KAZN: variants seen among roughly 807,000 people sequenced by gnomAD.
The protein encoded by KAZN is kazrin.
In KAZN, 40 loss-of-function variants were observed where a neutral mutation model predicts 87.4. That is an observed-to-expected ratio of 0.46 (90% CI 0.36 to 0.60). The LOEUF is 0.60. KAZN is among the 20% of genes least tolerant of loss of function. The probability of loss-of-function intolerance (pLI) is 0.00; values close to 1 mark genes in which losing one functional copy is unlikely to be tolerated. For synonymous variants in KAZN, 466 were observed against 458.3 expected (o/e 1.02, Z -0.22); for missense variants, 898 against 1,073.9 (o/e 0.84, Z 2.29).
upstream of KAZN, among the ~76,000 whole-genome samples, chr1:14,596,116 A>C (rs1246460839): frequency 6.6e-6 from 1 of 152,206 alleles, no homozygotes; most frequent in African/African-American, 2.4e-5. Context: ...ACTCACACGC[A>C]TTCATTTACA....
At chr1:14,581,194 C>T (rs903225725) in intron 2 of KAZN, among the ~76,000 whole-genome samples, 8 of 152,150 alleles carry the variant, frequency 5.3e-5, no homozygotes, top group South Asian at 2.1e-4. Context: ...ATGTCTAACA[C>T]GCATCTCAAA....
At chr1:14,741,532 C>T (rs981395517) in intron 1 of KAZN, among the ~76,000 whole-genome samples, 8 of 152,226 alleles carry the variant, frequency 5.3e-5, no homozygotes, top group African/African-American at 1.4e-4. Context: ...TTTGAGAGCA[C>T]AACTATTTAC....
chr1:14,709,480 G>A (rs915872613), intron 1 of KAZN, among the ~76,000 whole-genome samples: 1 of 152,088 alleles, frequency 6.6e-6, no homozygotes, highest in Non-Finnish European at 1.5e-5. Flanking sequence ...GCCTGCCAGT[G>A]GCCCAGAAGA....
chr1:14,645,286 T>C (rs544936881), intron 1 of KAZN, among the ~76,000 whole-genome samples: 2 of 152,336 alleles, frequency 1.3e-5, no homozygotes, highest in Non-Finnish European at 1.5e-5. Context: ...CTATTTGGGT[T>C]CTTTTTTGGT....
Position 14,515,377 on chromosome 1 carries a change from G to A in KAZN, c.250-83606G>A, listed in dbSNP as rs770157155. ...AACAATCACTGAATGCCTGATACTT[G>A]CGAGGCAGTGTGAATGCAGCAGGAG... On this transcript the variant is annotated intron_variant, in intron 2 of 16. Coordinates refer to the KAZN transcript ENST00000636203. 2.0e-4 allele frequency among the ~76,000 whole-genome samples: 30 copies of A among 152,162 alleles called. 1 individual carries two copies. Among genetic ancestry groups the A allele is most frequent in the Non-Finnish European group, 8.8e-5 (6 of 68,034 alleles).
At chr1:14,243,351 T>G (rs913635548) in intron 2 of KAZN, among the ~76,000 whole-genome samples, 2 of 152,196 alleles carry the variant, frequency 1.3e-5, no homozygotes, top group East Asian at 3.9e-4. Context: ...AAGGTAAATT[T>G]TCCTTTATCT....
intron 1 of KAZN, among the ~76,000 whole-genome samples, chr1:14,931,107 C>T (rs999667650): frequency 6.6e-6 from 1 of 152,130 alleles, no homozygotes; most frequent in East Asian, 1.9e-4. Context: ...GGGTGTCACA[C>T]AGGGAGGCTT....
In KAZN at chr1:15,045,584, C is replaced by T. The variant is rs113897493; in HGVS notation, c.726+1425C>T. Among the ~76,000 whole-genome samples the T allele has an allele frequency of 4.6e-3, 699 of 152,278 alleles. 6 individuals are homozygous for T. The highest frequency in any genetic ancestry group is 6.0e-3 in the Non-Finnish European group (408 of 68,030). ...CACATCTTTTGTGTGTTCACTGTGTCGTGTACTGTCTTTGTATTAGTTCAT... is the reference window on the plus strand; with the variant it reads ...CACATCTTTTGTGTGTTCACTGTGTTGTGTACTGTCTTTGTATTAGTTCAT... On this transcript the variant is annotated intron_variant, in intron 4 of 14. Coordinates refer to ENST00000376030, the MANE Select transcript of KAZN (RefSeq NM_201628.3).
At chr1:14,495,448 A>C (rs1439723759) in intron 2 of KAZN, among the ~76,000 whole-genome samples, 1 of 152,162 alleles carries the variant, frequency 6.6e-6, no homozygotes, top group African/African-American at 2.4e-5. Flanking sequence ...CTGCCCCTTT[A>C]GCCAGATGGC....
At position 14,419,616 on chromosome 1, in the gene KAZN, T is replaced by TAG. The variant is rs756891864; in HGVS notation, c.250-179366_250-179365dup. Among the ~76,000 whole-genome samples, 5 of 152,318 alleles carry TAG rather than the reference T, an allele frequency of 3.3e-5. No individual in the cohort carries two copies. In the East Asian group the frequency reaches 7.7e-4, roughly 24 times the overall value. ...ATTTGAGTGTTACAGTTCTTAAAGG[T>TAG]AGTGTGTCCGGAGTTTGTTCCTTCT... On this transcript the variant is annotated intron_variant, in intron 2 of 16. Coordinates refer to the KAZN transcript ENST00000636203.
At chr1:14,655,223 T>C (rs1638711017) in intron 1 of KAZN, among the ~76,000 whole-genome samples, 1 of 152,062 alleles carries the variant, frequency 6.6e-6, no homozygotes, top group African/African-American at 2.4e-5. Context: ...ATCCATTTTC[T>C]CCCCAAGGCA....
At chr1:14,107,001 CCTGT>C in intron 1 of KAZN, among the ~76,000 whole-genome samples, 1 of 116,400 alleles carries the variant, frequency 8.6e-6, no homozygotes, top group Non-Finnish European at 1.8e-5. Context: ...TCCCTCCCTC[CCTGT>C]CTCCCTCCCC....
chr1:14,832,273 A>G (rs1218045008), intron 1 of KAZN, among the ~76,000 whole-genome samples: 2 of 151,322 alleles, frequency 1.3e-5, no homozygotes, highest in Admixed American at 6.6e-5. Flanking sequence ...GCCACACCCC[A>G]CACCCCCCAC....
intron 1 of KAZN, among the ~76,000 whole-genome samples, chr1:14,633,288 T>G (rs1451782266): frequency 6.6e-6 from 1 of 152,166 alleles, no homozygotes; most frequent in Non-Finnish European, 1.5e-5. Flanking sequence ...AAACTTTGTA[T>G]GGCAGATGGG....
At chr1:14,612,680 T>C (rs112069350) in intron 1 of KAZN, among the ~76,000 whole-genome samples, 238 of 152,232 alleles carry the variant, frequency 1.6e-3, no homozygotes, top group Admixed American at 2.5e-3. Context: ...GATAATTCTT[T>C]GTTGTGGGGG....
rs1354992257 is a variant in KAZN, at chr1:14,770,578, C to T, written c.226+171355C>T. ...CAGTTAGACTATGTGTGAATATCTTCCCCAGGGCCATACACCACGGCAGCC... is the reference window on the plus strand; with the variant it reads ...CAGTTAGACTATGTGTGAATATCTTTCCCAGGGCCATACACCACGGCAGCC... On this transcript the variant is annotated intron_variant, in intron 1 of 14. Coordinates refer to ENST00000376030, the MANE Select transcript of KAZN (RefSeq NM_201628.3). Among the ~76,000 whole-genome samples, 3 of 152,174 alleles carry T rather than the reference C, an allele frequency of 2.0e-5. No individual in the cohort carries two copies. The East Asian group carries it at 5.8e-4, about 29-fold the overall frequency.
intron 2 of KAZN, among the ~76,000 whole-genome samples, chr1:15,017,984 C>G (rs1378657384): frequency 6.6e-6 from 1 of 152,142 alleles, no homozygotes. Flanking sequence ...TGATCTTTCC[C>G]ATTTCCAAGA....
rs200798710 is a variant in KAZN, at chr1:14,582,039, A to AT, written c.250-16935dup. ...CTCCAAAAGGGCAGGGACTTTGCCT[A>AT]TTTTTTTTTCACTGCTGTATTTACA... On this transcript the variant is annotated intron_variant, in intron 2 of 16. Coordinates refer to the KAZN transcript ENST00000636203. Among the ~76,000 whole-genome samples, 613 of 149,542 alleles carry AT rather than the reference A, an allele frequency of 4.1e-3. 5 individuals carry two copies. Among genetic ancestry groups the AT allele is most frequent in the African/African-American group, 0.014 (584 of 40,640 alleles).
chr1:15,105,529 C>T (rs532668933), intron 13 of KAZN, among the ~76,000 whole-genome samples: 1 of 151,826 alleles, frequency 6.6e-6, no homozygotes, highest in African/African-American at 2.4e-5. Context: ...CATTCACTTA[C>T]TCCTGGTTTT....
Sources: allele counts gnomAD v4.1 joint callset (sites outside exome capture counted in the v4.1 genomes callset), GRCh38; gene constraint gnomAD v4.1.1; transcripts MANE v1.5; gene names NCBI Gene and HGNC (gene_info 2026-07-23, HGNC 2026-07-21).